Variants in RAPGEF6 observed in about 807,000 individuals in gnomAD.
RAPGEF6 encodes the protein Rap guanine nucleotide exchange factor 6, also known as PDZ domain containing guanine nucleotide exchange factor (GEF) 2.
In RAPGEF6, 56 loss-of-function variants were observed where a neutral mutation model predicts 171.4. That is an observed-to-expected ratio of 0.33 (90% CI 0.26 to 0.41). The LOEUF (loss-of-function observed/expected upper bound fraction) is 0.41. RAPGEF6 is among the 10% of genes least tolerant of loss of function. RAPGEF6 has a pLI of 1.00. For synonymous variants in RAPGEF6, 692 were observed against 650.1 expected (o/e 1.06, Z -0.98); for missense variants, 1,674 against 1,921.4 (o/e 0.87, Z 2.41).
intron 24 of RAPGEF6, chr5:131,436,529 C>T (rs1752017182): frequency 1.4e-6 from 1 of 730,194 alleles, no homozygotes. Flanking sequence ...GGAAAAAAAT[C>T]TACTTATATA....
At chr5:131,540,102 G>C (rs1344601990) in intron 6 of RAPGEF6, among the ~76,000 whole-genome samples, 2 of 152,186 alleles carry the variant, frequency 1.3e-5, no homozygotes, top group African/African-American at 4.8e-5. Context: ...GCTGAAGAAA[G>C]AGAGGAAGAC....
At chr5:131,507,283 A>T (rs942421857) in intron 9 of RAPGEF6, among the ~76,000 whole-genome samples, 4 of 151,062 alleles carry the variant, frequency 2.6e-5, no homozygotes, top group Non-Finnish European at 4.4e-5. Flanking sequence ...CTTTTGAAAT[A>T]ACTCTTTGAG....
chr5:131,492,499 T>C (rs749718625), intron 14 of RAPGEF6, 83 bp downstream of exon 14: 2 of 1,371,078 alleles, frequency 1.5e-6, no homozygotes, highest in Non-Finnish European at 2.1e-6. Flanking sequence ...AAACTGATCA[T>C]GCTTTCTGGA....
intron 22 of RAPGEF6, among the ~76,000 whole-genome samples, 194 bp from the exon 23 acceptor site, chr5:131,442,731 T>C (rs1043463007): frequency 6.6e-6 from 1 of 152,206 alleles, no homozygotes; most frequent in Non-Finnish European, 1.5e-5. Context: ...AGATAAAAAA[T>C]GTTATCTCTA....
chr5:131,478,423 CCATGTCTTCTTATGGCTCCCTGT>C (rs1755253059), intron 16 of RAPGEF6, among the ~76,000 whole-genome samples: 1 of 152,160 alleles, frequency 6.6e-6, no homozygotes, highest in Non-Finnish European at 1.5e-5. Flanking sequence ...TTATCAAATC[CCATGTCTTCTTATGGCTCCCTGT>C]CATGACATGA....
chr5:131,592,234 A>G, intron 4 of RAPGEF6, 149 bp downstream of exon 4: 1 of 1,312,286 alleles, frequency 7.6e-7, no homozygotes, highest in East Asian at 2.7e-5. Context: ...AGAAATAACA[A>G]AAGATTAACT....
intron 7 of RAPGEF6, among the ~76,000 whole-genome samples, chr5:131,513,256 A>T (rs1757859972): frequency 6.6e-6 from 1 of 152,198 alleles, no homozygotes; most frequent in Admixed American, 6.5e-5. Flanking sequence ...TAATCTAAGA[A>T]ACGACTGGGA....
At chr5:131,526,525 G>T (rs1405490832) in intron 6 of RAPGEF6, among the ~76,000 whole-genome samples, 1 of 152,120 alleles carries the variant, frequency 6.6e-6, no homozygotes, top group African/African-American at 2.4e-5. Flanking sequence ...ATACTTGGTT[G>T]GGAGTTCACA....
At chr5:131,572,346 C>G (rs562575139) in intron 4 of RAPGEF6, among the ~76,000 whole-genome samples, 1 of 152,270 alleles carries the variant, frequency 6.6e-6, no homozygotes, top group South Asian at 2.1e-4. Context: ...TTTTTTCGCT[C>G]TCTACCTAAC....
chr5:131,578,952 G>T (rs1031821440), intron 4 of RAPGEF6, among the ~76,000 whole-genome samples: 1 of 152,112 alleles, frequency 6.6e-6, no homozygotes, highest in East Asian at 1.9e-4. Context: ...TGGGTTCTTG[G>T]TCTCACTAAC....
At chr5:131,435,762 A>G in intron 24 of RAPGEF6, 3 of 1,171,338 alleles carry the variant, frequency 2.6e-6, no homozygotes, top group East Asian at 5.6e-5. Flanking sequence ...TACAGAAAAC[A>G]AGAGTATAAA....
intron 4 of RAPGEF6, among the ~76,000 whole-genome samples, chr5:131,572,144 T>G (rs1468153635): frequency 2.6e-5 from 4 of 152,108 alleles, no homozygotes; most frequent in Non-Finnish European, 4.4e-5. Context: ...AGGTGGTCAC[T>G]TATATGGACG....
intron 4 of RAPGEF6, among the ~76,000 whole-genome samples, chr5:131,585,333 C>CATAT (rs1282250278): frequency 6.8e-6 from 1 of 147,678 alleles, no homozygotes; most frequent in Non-Finnish European, 1.5e-5. Context: ...TACATACATA[C>CATAT]ATATATATCT....
At chr5:131,495,072 A>G (rs1055418594) in intron 13 of RAPGEF6, among the ~76,000 whole-genome samples, 3 of 152,148 alleles carry the variant, frequency 2.0e-5, no homozygotes, top group Non-Finnish European at 4.4e-5. Flanking sequence ...AGGCGGGCGG[A>G]TCACGAGGTC....
chr5:131,615,770 C>T (rs571792631), intron 1 of RAPGEF6, among the ~76,000 whole-genome samples: 4 of 152,050 alleles, frequency 2.6e-5, no homozygotes, highest in Non-Finnish European at 5.9e-5. Context: ...GGCATGGTGG[C>T]GCACACCTGT....
chr5:131,599,276 G>A (rs1208806188), intron 3 of RAPGEF6, among the ~76,000 whole-genome samples: 1 of 152,074 alleles, frequency 6.6e-6, no homozygotes, highest in African/African-American at 2.4e-5. Flanking sequence ...GCAGTGAGCC[G>A]AGATTTTGCC....
intron 23 of RAPGEF6, among the ~76,000 whole-genome samples, chr5:131,440,455 T>C (rs910328805): frequency 1.3e-5 from 2 of 151,904 alleles, no homozygotes; most frequent in Non-Finnish European, 2.9e-5. Flanking sequence ...ATAAAGTAAG[T>C]GGCCAGGTAT....
At chr5:131,432,812 A>T (rs1414240683) in intron 25 of RAPGEF6, among the ~76,000 whole-genome samples, 1 of 151,196 alleles carries the variant, frequency 6.6e-6, no homozygotes, top group Non-Finnish European at 1.5e-5. Flanking sequence ...TGGTGTAGAG[A>T]TCCTAGTTTA....
chr5:131,439,971 A>G (rs1752271927), intron 23 of RAPGEF6: 12 of 551,414 alleles, frequency 2.2e-5, no homozygotes, highest in South Asian at 2.0e-4. Flanking sequence ...GTATAAGGGA[A>G]ATCAATTTAA....
Sources: gnomAD v4.1 joint callset for allele counts (sites outside exome capture counted in the v4.1 genomes callset) on GRCh38, gnomAD v4.1.1 for gene constraint, MANE v1.5 for transcripts, NCBI Gene and HGNC (gene_info 2026-07-23, HGNC 2026-07-21) for gene names.